ELOVL5: variants seen among roughly 807,000 people sequenced by gnomAD.
ELOVL5 encodes the protein very long chain fatty acid elongase 5.
In ELOVL5, 8 loss-of-function variants were observed where a neutral mutation model predicts 38.6. The ratio of observed to expected loss-of-function variants is 0.21; its 90% CI spans 0.12 to 0.37. The LOEUF (loss-of-function observed/expected upper bound fraction) is 0.37. Ranked by LOEUF, ELOVL5 falls within the 10% of genes least tolerant of loss-of-function variation. The pLI is 1.00. For missense variants in ELOVL5, 280 were observed against 367.8 expected, an observed-to-expected ratio of 0.76 and a Z score of 1.95; for synonymous variants, 127 against 133.7, an observed-to-expected ratio of 0.95 and a Z score of 0.34.
At chr6:53,316,283 C>T (rs1392689962) in intron 1 of ELOVL5, among the ~76,000 whole-genome samples, 2 of 151,892 alleles carry the variant, frequency 1.3e-5, no homozygotes, top group African/African-American at 2.4e-5. Context: ...CAGTAAATAA[C>T]TGTAATAAAG....
chr6:53,303,391 T>C (rs754543854), intron 1 of ELOVL5, among the ~76,000 whole-genome samples: 2 of 152,250 alleles, frequency 1.3e-5, no homozygotes, highest in African/African-American at 2.4e-5. Flanking sequence ...TCTGATTGTG[T>C]ACTGTCATCC....
intron 1 of ELOVL5, among the ~76,000 whole-genome samples, chr6:53,310,080 C>T (rs1767767727): frequency 6.6e-6 from 1 of 152,184 alleles, no homozygotes; most frequent in African/African-American, 2.4e-5. Context: ...AACTCTACTT[C>T]CCCTTGCTAG....
chr6:53,303,239 AAAG>A (rs1299829980), intron 1 of ELOVL5, among the ~76,000 whole-genome samples: 1 of 152,242 alleles, frequency 6.6e-6, no homozygotes, highest in Non-Finnish European at 1.5e-5. Flanking sequence ...ACCATAAAGG[AAAG>A]AAGATCCAAG....
chr6:53,323,012 C>T (rs369624515), intron 1 of ELOVL5, among the ~76,000 whole-genome samples: 15 of 152,284 alleles, frequency 9.9e-5, no homozygotes, highest in East Asian at 7.7e-4. Flanking sequence ...CATCGTACCA[C>T]GCACTTCACA....
At chr6:53,344,551 T>A (rs1255998354) in intron 1 of ELOVL5, among the ~76,000 whole-genome samples, 2 of 152,206 alleles carry the variant, frequency 1.3e-5, no homozygotes, top group Admixed American at 1.3e-4. Flanking sequence ...CAAGGTGATC[T>A]GAGCTGGAAT....
At chr6:53,302,543 A>G (rs1235084175) in intron 1 of ELOVL5, among the ~76,000 whole-genome samples, 1 of 152,148 alleles carries the variant, frequency 6.6e-6, no homozygotes, top group Admixed American at 6.6e-5. Flanking sequence ...GGCCATTTCT[A>G]CCTGGGGTAG....
At position 53,315,642 on chromosome 6, in the gene ELOVL5, C is replaced by T. The variant is rs543504959; in HGVS notation, c.-8-19935G>A. Among the ~76,000 whole-genome samples, 4 of 152,014 alleles carry T rather than the reference C, an allele frequency of 2.6e-5. No homozygotes were observed. The South Asian group carries it at 6.2e-4, about 24-fold the overall frequency. On this transcript the variant is annotated intron_variant, in intron 1 of 7. Transcript: ENST00000304434. ...GTTATATTAGTTGTTCTTAAATTTC[C>T]GGGGGTTCCATATCAATTGTGAAAA...
chr6:53,287,761 A>T (rs1766626470), intron 3 of ELOVL5: 4 of 1,035,990 alleles, frequency 3.9e-6, no homozygotes, highest in Non-Finnish European at 5.8e-6. Context: ...CAGATCGGCT[A>T]AGAAAGGCCG....
At chr6:53,299,504 G>A (rs1581948421) in intron 1 of ELOVL5, among the ~76,000 whole-genome samples, 1 of 152,182 alleles carries the variant, frequency 6.6e-6, no homozygotes, top group South Asian at 2.1e-4. Flanking sequence ...AAGGACAAAT[G>A]CCTAGGACAT....
At chr6:53,311,397 T>C (rs1385919031) in intron 1 of ELOVL5, among the ~76,000 whole-genome samples, 1 of 152,178 alleles carries the variant, frequency 6.6e-6, no homozygotes, top group Non-Finnish European at 1.5e-5. Context: ...TGTCAAATGG[T>C]ACATCTGCTG....
chr6:53,272,451 T>A (rs1765961200), intron 6 of ELOVL5, among the ~76,000 whole-genome samples: 2 of 152,162 alleles, frequency 1.3e-5, no homozygotes, highest in South Asian at 4.1e-4. Flanking sequence ...GACAATAATA[T>A]GAAATCAGGC....
chr6:53,332,293 A>C (rs553453594), intron 1 of ELOVL5, among the ~76,000 whole-genome samples: 2 of 152,342 alleles, frequency 1.3e-5, no homozygotes, highest in South Asian at 4.1e-4. Flanking sequence ...CAATCAGCCA[A>C]ACAGGAGTGA....
At chr6:53,336,905 TATAAA>T (rs1769098911) in intron 1 of ELOVL5, 1 of 152,202 alleles carries the variant, frequency 6.6e-6, no homozygotes, top group African/African-American at 2.4e-5. Flanking sequence ...CATTGTTTAC[TATAAA>T]GGTAAACCTT....
At chr6:53,282,901 T>C (rs1766413849) in intron 3 of ELOVL5, among the ~76,000 whole-genome samples, 1 of 152,192 alleles carries the variant, frequency 6.6e-6, no homozygotes, top group Non-Finnish European at 1.5e-5. Context: ...GAATATTATG[T>C]TTCCAAAGCA....
At chr6:53,294,648 C>G (rs1424940602) in intron 2 of ELOVL5, among the ~76,000 whole-genome samples, 2 of 152,166 alleles carry the variant, frequency 1.3e-5, no homozygotes, top group African/African-American at 4.8e-5. Flanking sequence ...TCCCTTACAG[C>G]TAAAGTAAGG....
chr6:53,275,372 C>T (rs986227568), intron 4 of ELOVL5, 111 bp from the exon 5 acceptor site: 83 of 1,096,072 alleles, frequency 7.6e-5, no homozygotes, highest in Middle Eastern at 3.0e-4. Context: ...CGGAGAAGCC[C>T]GAGTGCCCCA....
At chr6:53,347,201 A>T (rs1769584761) in intron 1 of ELOVL5, among the ~76,000 whole-genome samples, 1 of 152,146 alleles carries the variant, frequency 6.6e-6, no homozygotes, top group African/African-American at 2.4e-5. Flanking sequence ...TTTGTCTTCA[A>T]TTAGAAATAG....
chr6:53,324,252 C>CAAAAAAAA (rs59453946), intron 1 of ELOVL5, among the ~76,000 whole-genome samples: 6 of 110,364 alleles, frequency 5.4e-5, no homozygotes, highest in South Asian at 2.8e-4. Flanking sequence ...GACTCTACCT[C>CAAAAAAAA]AAAAAAAAAA....
In ELOVL5 at chr6:53,268,910, G is replaced by T. The variant is rs149100764; in HGVS notation, c.*217C>A. 1 of 495,922 alleles carries T rather than the reference G, an allele frequency of 2.0e-6. No homozygotes were observed. Among genetic ancestry groups the T allele is most frequent in the Non-Finnish European group, 3.6e-6 (1 of 280,244 alleles). 30.7% of individuals were successfully genotyped at this position (495,922 alleles called of 1,614,324 possible). Reference sequence around the variant, plus strand: ...TAATACTCCCTTTCCACAGTCTAGCGCAGGGGTCAGAGAGCCCAGAAATGT... The same window carrying T: ...TAATACTCCCTTTCCACAGTCTAGCTCAGGGGTCAGAGAGCCCAGAAATGT... On this transcript the variant is annotated 3_prime_UTR_variant, in exon 8 of 8. Transcript: ENST00000304434.
Sources: gnomAD v4.1 joint callset for allele counts (sites outside exome capture counted in the v4.1 genomes callset) on GRCh38, gnomAD v4.1.1 for gene constraint, MANE v1.5 for transcripts, NCBI Gene and HGNC (gene_info 2026-07-23, HGNC 2026-07-21) for gene names.